XRN1: variants seen among roughly 807,000 people sequenced by gnomAD.
XRN1 encodes 5'-3' exoribonuclease 1, also known as strand-exchange protein 1 homolog.
Under a neutral mutation model 222.3 loss-of-function variants are expected in XRN1, and 67 were observed. That is an observed-to-expected ratio of 0.30 (90% CI 0.25 to 0.37). The LOEUF is 0.37. XRN1 is among the 10% of genes least tolerant of loss of function. The probability of loss-of-function intolerance (pLI) is 1.00; values close to 1 mark genes in which losing one functional copy is unlikely to be tolerated. For synonymous variants in XRN1, 643 were observed against 652.4 expected (o/e 0.99, Z 0.22); for missense variants, 1,707 against 2,000.2 (o/e 0.85, Z 2.80).
intron 36 of XRN1, among the ~76,000 whole-genome samples, chr3:142,330,593 G>GTT (rs74269485): frequency 3.6e-5 from 5 of 137,070 alleles, no homozygotes; most frequent in African/African-American, 7.8e-5. Context: ...AAGCCTATGA[G>GTT]TTTTTTTTTT....
chr3:142,431,303 G>A (rs74985376), intron 2 of XRN1, among the ~76,000 whole-genome samples: 264 of 152,312 alleles, frequency 1.7e-3, no homozygotes, highest in Admixed American at 4.4e-3. Flanking sequence ...CAACTGCACT[G>A]TAGCTTGGGA....
At chr3:142,393,300 C>A (rs2067806108) in intron 20 of XRN1, among the ~76,000 whole-genome samples, 1 of 149,256 alleles carries the variant, frequency 6.7e-6, no homozygotes, top group South Asian at 2.2e-4. Context: ...ATGGTAGTTT[C>A]TTTTGCTGTG....
In XRN1 at chr3:142,318,745, G is replaced by A. The variant is rs1261015320; in HGVS notation, c.4518+45C>T. 3 of 1,609,666 alleles carry A rather than the reference G, an allele frequency of 1.9e-6. No homozygotes were observed. The African/African-American group carries it at 4.0e-5, about 22-fold the overall frequency. ...GACAATGCAATACAAGCTTTCTATA[G>A]GGACTAATAAAAATTTTAATAGAGA... On this transcript the variant is annotated intron_variant, in intron 38 of 40. Coordinates refer to ENST00000392981, the MANE Select transcript of XRN1 (RefSeq NM_001282857.2).
At chr3:142,313,477 G>C (rs978927859) in intron 39 of XRN1, among the ~76,000 whole-genome samples, 1 of 152,092 alleles carries the variant, frequency 6.6e-6, no homozygotes, top group Non-Finnish European at 1.5e-5. Context: ...TGTACCAGTA[G>C]AGCATTTGAA....
intron 18 of XRN1, among the ~76,000 whole-genome samples, chr3:142,401,251 A>C (rs2068117242): frequency 6.6e-6 from 1 of 152,202 alleles, no homozygotes; most frequent in Non-Finnish European, 1.5e-5. Context: ...TCTTTGGCAT[A>C]TCATTTAATC....
chr3:142,423,055 T>C lies in XRN1; in HGVS notation c.711-133A>G. ...TTGTAATTAAGGCATACAATTTATA[T>C]GAAGGTTGCAGGGTAACAAAGATAA... On this transcript the variant is annotated intron_variant, in intron 6 of 40. Transcript: ENST00000392981. 3 of 682,044 alleles carry C rather than the reference T, an allele frequency of 4.4e-6. No homozygotes were observed. The Admixed American group carries it at 9.2e-5, about 21-fold the overall frequency. The allele number at this position is 682,044 out of a possible 1,614,324, so 42.2% of individuals were successfully genotyped here. A position where few individuals can be genotyped will look rare whatever the true frequency, so the allele number is the denominator to read the frequency against.
intron 15 of XRN1, among the ~76,000 whole-genome samples, chr3:142,412,245 A>G (rs2068614349): frequency 6.6e-6 from 1 of 152,168 alleles, no homozygotes; most frequent in African/African-American, 2.4e-5. Flanking sequence ...TAGATACAAC[A>G]TATTTAGGAT....
chr3:142,428,802 G>A (rs1185637707), intron 2 of XRN1, among the ~76,000 whole-genome samples: 1 of 152,176 alleles, frequency 6.6e-6, no homozygotes, highest in African/African-American at 2.4e-5. Flanking sequence ...TATATCTGGG[G>A]TTTCCAAAAG....
At chr3:142,422,996 T>A in intron 6 of XRN1, 74 bp from the exon 7 acceptor site, 1 of 1,196,658 alleles carries the variant, frequency 8.4e-7, no homozygotes, top group Non-Finnish European at 1.2e-6. Flanking sequence ...TAACAAAGCT[T>A]AAATCAAAAG....
At chr3:142,377,772 C>T (rs986360963) in intron 23 of XRN1, among the ~76,000 whole-genome samples, 1 of 152,126 alleles carries the variant, frequency 6.6e-6, no homozygotes, top group African/African-American at 2.4e-5. Context: ...AAAGAAACAA[C>T]ACTGTACACT....
chr3:142,329,016 C>T (rs1364987645), intron 37 of XRN1, among the ~76,000 whole-genome samples: 1 of 151,742 alleles, frequency 6.6e-6, no homozygotes, highest in Non-Finnish European at 1.5e-5. Context: ...GCCTTGGCCT[C>T]CCAAAGTGCT....
intron 37 of XRN1, 117 bp from the exon 38 acceptor site, chr3:142,319,020 GTTCAAGTT>G: frequency 1.1e-6 from 1 of 903,916 alleles, no homozygotes; most frequent in Non-Finnish European, 1.6e-6. Context: ...AGGGCTTTCA[GTTCAAGTT>G]TTCAATTGCC....
chr3:142,373,671 G>T (rs975269337), intron 25 of XRN1, among the ~76,000 whole-genome samples: 11 of 152,180 alleles, frequency 7.2e-5, no homozygotes, highest in Admixed American at 1.3e-4. Flanking sequence ...GAAACGAAAG[G>T]AGAATGGAAC....
chr3:142,314,312 G>C (rs1411366329), intron 39 of XRN1, among the ~76,000 whole-genome samples: 1 of 151,814 alleles, frequency 6.6e-6, no homozygotes, highest in Non-Finnish European at 1.5e-5. Context: ...ATTATTAGTA[G>C]GTATGAATAA....
chr3:142,333,984 C>T (rs2065776154), intron 34 of XRN1, among the ~76,000 whole-genome samples: 1 of 152,124 alleles, frequency 6.6e-6, no homozygotes, highest in South Asian at 2.1e-4. Context: ...TTCAAATGTA[C>T]CTAGTCTATG....
At chr3:142,370,436 C>T in intron 27 of XRN1, 49 bp downstream of exon 27, 4 of 1,558,588 alleles carry the variant, frequency 2.6e-6, no homozygotes, top group South Asian at 2.5e-5. Flanking sequence ...AAGTATAGTC[C>T]ATTTAATTCC....
intron 39 of XRN1, among the ~76,000 whole-genome samples, chr3:142,316,307 C>T (rs2065211249): frequency 1.3e-5 from 2 of 150,484 alleles, no homozygotes; most frequent in Non-Finnish European, 3.0e-5. Context: ...GCCTTGACCT[C>T]CCAGGCTCAA....
Position 142,334,634 on chromosome 3 carries a change from T to C in XRN1, c.3939+814A>G, listed in dbSNP as rs1328832643. Among the ~76,000 whole-genome samples the C allele has an allele frequency of 2.0e-5, 3 of 151,350 alleles. No individual in the cohort carries two copies. In the Admixed American group the frequency reaches 2.0e-4, roughly 10 times the overall value. On this transcript the variant is annotated intron_variant, in intron 34 of 40. Coordinates refer to ENST00000392981, the MANE Select transcript of XRN1 (RefSeq NM_001282857.2). ...TGTACTTCAATTGTATATGTAAATATATATTTCTATGTATATATATAAGAC... is the reference window on the plus strand; with the variant it reads ...TGTACTTCAATTGTATATGTAAATACATATTTCTATGTATATATATAAGAC...
At chr3:142,359,409 C>G (rs1387955811) in intron 30 of XRN1, among the ~76,000 whole-genome samples, 2 of 152,134 alleles carry the variant, frequency 1.3e-5, no homozygotes, top group African/African-American at 4.8e-5. Context: ...TTTCAAAGGA[C>G]ATTTCTATTC....
Sources: allele counts gnomAD v4.1 joint callset (sites outside exome capture counted in the v4.1 genomes callset), GRCh38; gene constraint gnomAD v4.1.1; transcripts MANE v1.5; gene names NCBI Gene and HGNC (gene_info 2026-07-23, HGNC 2026-07-21).